Variants in TK1 observed in about 807,000 individuals in gnomAD.
TK1 encodes thymidine kinase 1.
Under a neutral mutation model 22.4 loss-of-function variants are expected in TK1, and 13 were observed. The ratio of observed to expected loss-of-function variants is 0.58; its 90% CI spans 0.38 to 0.92. The LOEUF is 0.92. TK1 is among the 40% of genes least tolerant of loss of function. TK1 has a pLI of 0.00. For missense variants in TK1, 251 were observed against 315.7 expected, an observed-to-expected ratio of 0.80 and a Z score of 1.55; for synonymous variants, 134 against 125.4, an observed-to-expected ratio of 1.07 and a Z score of -0.46.
At position 78,186,915 on chromosome 17, in the gene TK1, G is replaced by A; in HGVS notation, c.66+14C>T. 6.4e-7 allele frequency: 1 copy of A among 1,566,248 alleles called. No individual in the cohort carries two copies. Among genetic ancestry groups the A allele is most frequent in the Non-Finnish European group, 8.7e-7 (1 of 1,155,832 alleles). ...CACCTCATCCCCAGCCACGCGCAGG[G>A]CTGGCCCCCGCACCTGGATCTGCCC... On this transcript the variant is annotated intron_variant, in intron 1 of 6. Transcript: ENST00000301634.
chr17:78,186,128 C>CGGTG (rs560823734), intron 2 of TK1, among the ~76,000 whole-genome samples: 6 of 147,146 alleles, frequency 4.1e-5, no homozygotes, highest in African/African-American at 1.6e-4. Flanking sequence ...TGGGTGGAGG[C>CGGTG]GGGGGGGTGC....
upstream of TK1, chr17:78,187,110 C>G (rs1271042823): frequency 8.1e-7 from 1 of 1,235,108 alleles, no homozygotes; most frequent in Non-Finnish European, 1.2e-6. Flanking sequence ...ACGAGCCGGC[C>G]CCGCCGCCAT....
chr17:78,176,816 C>T (rs533782466), intron 4 of TK1, among the ~76,000 whole-genome samples: 1 of 152,154 alleles, frequency 6.6e-6, no homozygotes, highest in Non-Finnish European at 1.5e-5. Flanking sequence ...CTGCGTCCCT[C>T]GCCCCCACCC....
intron 4 of TK1, among the ~76,000 whole-genome samples, chr17:78,177,423 A>G (rs1477856170): frequency 2.0e-5 from 3 of 152,234 alleles, no homozygotes; most frequent in African/African-American, 7.2e-5. Flanking sequence ...TTGTGTTTAC[A>G]CTTGGGGCTC....
In TK1 at chr17:78,177,011, C is replaced by T. The variant is rs117427177; in HGVS notation, c.304-1393G>A. ...CCCAGACTCTCCTGCATCAGGGTTT[C>T]AGGATGAAGGTCCTCAGCCCCCACT... On this transcript the variant is annotated intron_variant, in intron 4 of 6. Transcript: ENST00000301634. Among the ~76,000 whole-genome samples the T allele has an allele frequency of 6.8e-4, 103 of 152,270 alleles. 1 individual carries two copies. In the East Asian group the frequency reaches 0.019, roughly 28 times the overall value.
At chr17:78,184,095 A>G (rs1329725321) in intron 3 of TK1, among the ~76,000 whole-genome samples, 2 of 152,240 alleles carry the variant, frequency 1.3e-5, no homozygotes, top group Non-Finnish European at 2.9e-5. Context: ...TGCCGTGGAC[A>G]TCGCATCTTA....
At chr17:78,179,221 TGA>T (rs912322015) in intron 4 of TK1, 4 of 985,292 alleles carry the variant, frequency 4.1e-6, no homozygotes, top group Non-Finnish European at 4.8e-6. Flanking sequence ...TTCCTTGTTC[TGA>T]GAGGGCCATG....
At chr17:78,184,168 C>A (rs962375000) in intron 3 of TK1, among the ~76,000 whole-genome samples, 1 of 152,220 alleles carries the variant, frequency 6.6e-6, no homozygotes, top group Admixed American at 6.5e-5. Context: ...TCACGAAGTG[C>A]GGTTAAATTC....
At position 78,175,167 on chromosome 17, in the gene TK1, T is replaced by C. The variant is rs781030775; in HGVS notation, c.396A>G (p.Pro132=). Residue 132 remains proline (P), a splice_region_variant and synonymous_variant, in exon 6 of 7, where the codon CCA becomes CCG. Coordinates refer to ENST00000301634, the MANE Select transcript of TK1 (RefSeq NM_003258.5). ...GCACCAGGTTCAGGATGGCCCCAAA[T>C]GGCTGCGCTCCCATGGAAAGACAGA... ...AALDGTFQRK[P]FGAILNLVPL... is the part of the protein sequence containing the mutation. The C allele has an allele frequency of 1.2e-6, 2 of 1,601,838 alleles. No homozygotes were observed. The highest frequency in any genetic ancestry group is 1.7e-6 in the Non-Finnish European group (2 of 1,178,476).
At chr17:78,185,443 G>A (rs370022088) in intron 2 of TK1, among the ~76,000 whole-genome samples, 2 of 152,190 alleles carry the variant, frequency 1.3e-5, no homozygotes, top group African/African-American at 4.8e-5. Flanking sequence ...GGGGAAGGCA[G>A]AAGCAAAGGC....
At chr17:78,175,268 T>A in intron 5 of TK1, 99 bp from the exon 6 acceptor site, 1 of 1,446,992 alleles carries the variant, frequency 6.9e-7, no homozygotes, top group Non-Finnish European at 9.2e-7. Flanking sequence ...CAGGAGAGTT[T>A]GCTCTGACCT....
chr17:78,187,068 G>T (rs1489283332), upstream of TK1: 3 of 1,500,366 alleles, frequency 2.0e-6, no homozygotes, highest in Middle Eastern at 1.7e-4. Context: ...TTCCCGCGCC[G>T]ACCGCTTTAA....
At chr17:78,176,023 T>G (rs2661679) in intron 4 of TK1, among the ~76,000 whole-genome samples, 14,639 of 152,232 alleles carry the variant, frequency 0.096, 1,141 homozygotes, top group African/African-American at 0.21. Flanking sequence ...TTCCTTTTCC[T>G]TAAGAGCAAG....
chr17:78,187,093 G>T (rs761951106), upstream of TK1: 719 of 1,338,306 alleles, frequency 5.4e-4, 1 homozygote, highest in Non-Finnish European at 7.0e-4. Flanking sequence ...CGGCGTGCTG[G>T]CCAATCACGA....
chr17:78,183,437 G>A (rs1020623246), intron 3 of TK1, among the ~76,000 whole-genome samples: 1 of 152,174 alleles, frequency 6.6e-6, no homozygotes, highest in African/African-American at 2.4e-5. Context: ...AGCAGCTCAT[G>A]CCCGTAATCT....
intron 4 of TK1, 27 bp from the exon 5 acceptor site, chr17:78,175,645 G>T: frequency 1.2e-6 from 2 of 1,602,754 alleles, no homozygotes; most frequent in Non-Finnish European, 1.7e-6. Context: ...GAGAAAGAGT[G>T]TGAGAGCTTC....
intron 2 of TK1, 132 bp downstream of exon 2, chr17:78,186,655 C>T: frequency 1.1e-6 from 1 of 925,530 alleles, no homozygotes; most frequent in South Asian, 1.6e-5. Flanking sequence ...TGTGCTGGTC[C>T]TTCTAGGGGA....
chr17:78,175,228 T>G (rs2075689924), intron 5 of TK1, 59 bp from the exon 6 acceptor site: 1 of 1,560,702 alleles, frequency 6.4e-7, no homozygotes. Context: ...GGTTTTTCTT[T>G]TAAACCCTCT....
upstream of TK1, chr17:78,187,196 G>A: frequency 1.1e-6 from 1 of 871,472 alleles, no homozygotes; most frequent in Non-Finnish European, 1.8e-6. Context: ...AGGAATCCGG[G>A]ACGTGCGCCC....
Sources: gnomAD v4.1 joint callset for allele counts (sites outside exome capture counted in the v4.1 genomes callset) on GRCh38, gnomAD v4.1.1 for gene constraint, MANE v1.5 for transcripts, NCBI Gene and HGNC (gene_info 2026-07-23, HGNC 2026-07-21) for gene names.